Variants in ZNF483 observed in about 807,000 individuals in gnomAD.
The protein encoded by ZNF483 is zinc finger protein HIT-10.
ZNF483 carries 9 observed loss-of-function variants against 28.6 expected under a neutral mutation model. The ratio of observed to expected loss-of-function variants is 0.32; its 90% CI spans 0.19 to 0.55. The LOEUF (loss-of-function observed/expected upper bound fraction) is 0.55. Among genes scored for constraint, ZNF483 ranks in the 20% least tolerant of loss-of-function variants. ZNF483 has a pLI of 0.93. For missense variants in ZNF483, 675 were observed against 871.7 expected, an observed-to-expected ratio of 0.77 and a Z score of 2.84; for synonymous variants, 322 against 306.2, an observed-to-expected ratio of 1.05 and a Z score of -0.54.
chr9:111,544,359 T>C lies in ZNF483; in HGVS notation c.*1189T>C. On this transcript the variant is annotated 3_prime_UTR_variant, in exon 6 of 6. Transcript: ENST00000309235. ...TTGGGTGTGTGTGCATGTGTGTGTG[T>C]GTGTGTGTGTGTGTATACATTGTTG... The C allele has an allele frequency of 1.0e-6, 1 of 984,126 alleles. No homozygotes were observed. Among genetic ancestry groups the C allele is most frequent in the Non-Finnish European group, 1.2e-6 (1 of 828,888 alleles). The allele number at this position is 984,126 out of a possible 1,614,324, so 61.0% of individuals were successfully genotyped here. A position where few individuals can be genotyped will look rare whatever the true frequency, so the allele number is the denominator to read the frequency against.
intron 3 of ZNF483, among the ~76,000 whole-genome samples, chr9:111,531,890 C>T (rs1827356173): frequency 6.6e-6 from 1 of 152,160 alleles, no homozygotes; most frequent in Admixed American, 6.5e-5. Context: ...TGCTGTGTTG[C>T]CCAGGCCAGT....
rs763816100 is a variant in ZNF483 at position 111,542,319 on chromosome 9, A to G, written c.1384A>G (p.Thr462Ala). The G allele has an allele frequency of 4.3e-6, 7 of 1,614,090 alleles. No individual in the cohort carries two copies. The highest frequency in any genetic ancestry group is 1.3e-5 in the African/African-American group (1 of 74,934). Residue 462 changes from threonine to alanine, a missense_variant, in exon 6 of 6, where the codon ACT (threonine) becomes GCT (alanine). Thr to Ala is a moderately conservative substitution (Grantham distance 58). Around this residue, in one of 6 missense-constraint regions of ZNF483, gnomAD observed 525 missense variants for 581.8 expected, o/e 0.90. Transcript: ENST00000309235. This position sits in a 1 kb window ranked among gnomAD's most constrained non-coding sequence, Gnocchi z 6.2. ...ASLTKHRRIHTGEKPYMCNEC... is the reference protein window; with the variant it reads ...ASLTKHRRIHAGEKPYMCNEC... ...ACTCACCAAACATCGGAGAATTCACACTGGAGAAAAACCCTATATGTGTAA... is the reference window on the plus strand; with the variant it reads ...ACTCACCAAACATCGGAGAATTCACGCTGGAGAAAAACCCTATATGTGTAA...
At chr9:111,528,108 C>A in intron 2 of ZNF483, 1 of 1,232,936 alleles carries the variant, frequency 8.1e-7, no homozygotes, top group South Asian at 1.7e-5. Flanking sequence ...CTTTCCCATC[C>A]CCTTCAAGAA....
At chr9:111,578,045 C>T (rs1829138053), downstream of ZNF483, among the ~76,000 whole-genome samples, 1 of 151,558 alleles carries the variant, frequency 6.6e-6, no homozygotes, top group African/African-American at 2.4e-5. Context: ...TACAATTTTG[C>T]CAATATAGTA....
chr9:111,549,648 T>C lies in ZNF483; in HGVS notation c.*6478T>C, dbSNP rs1589280290. 2.3e-6 allele frequency: 3 copies of C among 1,300,812 alleles called. No homozygotes were observed. The highest frequency in any genetic ancestry group is 2.1e-6 in the Non-Finnish European group (2 of 939,180). The allele number at this position is 1,300,812 out of a possible 1,614,324, so 80.6% of individuals were successfully genotyped here. On this transcript the variant is annotated 3_prime_UTR_variant, in exon 6 of 6. Transcript: ENST00000309235. Reference sequence around the variant, plus strand: ...TCTGGGGCAGCGGTCGTGGTGGTGGTGGCAGCGGCAGCAGGGTTCCCCATT... The same window carrying C: ...TCTGGGGCAGCGGTCGTGGTGGTGGCGGCAGCGGCAGCAGGGTTCCCCATT...
intron 5 of ZNF483, among the ~76,000 whole-genome samples, chr9:111,573,731 A>G (rs1330104201): frequency 6.6e-6 from 1 of 152,128 alleles, no homozygotes; most frequent in Non-Finnish European, 1.5e-5. Context: ...CCTCTTGGCC[A>G]TTCCTCTCCA....
chr9:111,578,002 G>C (rs753289853), downstream of ZNF483, among the ~76,000 whole-genome samples: 3 of 151,894 alleles, frequency 2.0e-5, no homozygotes, highest in African/African-American at 7.2e-5. Flanking sequence ...GCGTTTTTTG[G>C]GGGGGGTGAT....
intron 2 of ZNF483, among the ~76,000 whole-genome samples, chr9:111,529,701 A>G (rs1827271708): frequency 6.6e-6 from 1 of 152,246 alleles, no homozygotes; most frequent in Non-Finnish European, 1.5e-5. Flanking sequence ...TCGTGAGCTT[A>G]GGATTTGAAA....
chr9:111,555,636 G>A (rs903405442), downstream of ZNF483, among the ~76,000 whole-genome samples: 8 of 152,150 alleles, frequency 5.3e-5, no homozygotes, highest in African/African-American at 1.9e-4. Flanking sequence ...GGGCAAAGGG[G>A]AAGCAAGCAC....
rs1031591828 is a variant in ZNF483, at chr9:111,528,974, C to G, written c.412+1167C>G. On this transcript the variant is annotated intron_variant, in intron 2 of 5. Transcript: ENST00000309235. ...CAGCCATACCAACATGGAGAAACCC[C>G]GTCTCTACAAAAATACAAACTCAGG... 2.0e-5 allele frequency among the ~76,000 whole-genome samples: 3 copies of G among 152,026 alleles called. No individual in the cohort carries two copies. In the South Asian group the frequency reaches 6.2e-4, roughly 32 times the overall value.
At chr9:111,576,167 CAA>C (rs35670507) in intron 5 of ZNF483, among the ~76,000 whole-genome samples, 4 of 110,056 alleles carry the variant, frequency 3.6e-5, no homozygotes, top group Non-Finnish European at 5.7e-5. Context: ...GACTGAGTCT[CAA>C]AAAAAAAAAA....
intron 5 of ZNF483, among the ~76,000 whole-genome samples, chr9:111,570,866 G>A (rs1307413311): frequency 1.3e-5 from 2 of 152,272 alleles, no homozygotes; most frequent in East Asian, 1.9e-4. Context: ...AAAGGTCTTC[G>A]TAAGGGAATG....
chr9:111,532,236 A>T (rs890096477), intron 3 of ZNF483, among the ~76,000 whole-genome samples: 1 of 152,058 alleles, frequency 6.6e-6, no homozygotes, highest in Admixed American at 6.6e-5. Context: ...AGGGGGAAAG[A>T]CAGTCTTTCA....
Position 111,542,087 on chromosome 9 carries a change from T to C in ZNF483, c.1152T>C (p.His384=), listed in dbSNP as rs767107567. 12 of 1,614,156 alleles carry C rather than the reference T, an allele frequency of 7.4e-6. No homozygotes were observed. In the South Asian group the frequency reaches 1.2e-4, roughly 16 times the overall value. ...AACATCAGAAACGTCAGAAGATTCA[T>C]TTGGGGGATAGGTCCCAAAAATGCA... The part of the protein sequence containing the change: ...LTEHQKRQKI[H]LGDRSQKCSK... Residue 384 remains histidine (H), a synonymous_variant, in exon 6 of 6, where the codon CAT becomes CAC. Transcript: ENST00000309235. The surrounding 1 kb of genome is among the most constrained non-coding windows in gnomAD (Gnocchi z 6.2).
rs1828084757 is a variant in ZNF483, at chr9:111,555,137, C to T, written c.*11967C>T. On this transcript the variant is annotated 3_prime_UTR_variant, in exon 6 of 6. Transcript: ENST00000309235. ...TTTATTCAGACTTCCACTTAGTATC[C>T]TGTTTTTAGTCTTCTATCTTATTTC... is the stretch of plus-strand genomic sequence containing the variant. Among the ~76,000 whole-genome samples the T allele has an allele frequency of 6.6e-6, 1 of 152,080 alleles. No homozygotes were observed. The highest frequency in any genetic ancestry group is 6.6e-5 in the Admixed American group (1 of 15,254).
intron 5 of ZNF483, among the ~76,000 whole-genome samples, chr9:111,569,763 A>AAGCC (rs1828728470): frequency 6.6e-6 from 1 of 152,124 alleles, no homozygotes; most frequent in Non-Finnish European, 1.5e-5. Flanking sequence ...AGACTCTGAA[A>AAGCC]AGCCTCATAT....
chr9:111,536,719 C>T (rs1827512842), intron 5 of ZNF483, among the ~76,000 whole-genome samples: 1 of 151,966 alleles, frequency 6.6e-6, no homozygotes, highest in Non-Finnish European at 1.5e-5. Context: ...CCCCCGCCCC[C>T]GTACAGTTGA....
At chr9:111,534,767 G>A (rs915637413) in intron 5 of ZNF483, among the ~76,000 whole-genome samples, 51 of 119,184 alleles carry the variant, frequency 4.3e-4, no homozygotes, top group African/African-American at 1.4e-3. Flanking sequence ...ACCGTCTCCC[G>A]AGCTAGAGTG....
chr9:111,558,017 C>T (rs940035304), downstream of ZNF483, among the ~76,000 whole-genome samples: 8 of 151,940 alleles, frequency 5.3e-5, no homozygotes, highest in Admixed American at 6.6e-5. Flanking sequence ...CATGGTGGTG[C>T]GCGCCTGTAG....
Sources: allele counts gnomAD v4.1 joint callset (sites outside exome capture counted in the v4.1 genomes callset), GRCh38; gene constraint gnomAD v4.1.1; regional missense constraint gnomAD v4.1.1; non-coding constraint Gnocchi (gnomAD v3.1); transcripts MANE v1.5; gene names NCBI Gene and HGNC (gene_info 2026-07-23, HGNC 2026-07-21).